LRRC40: variants seen among roughly 807,000 people sequenced by gnomAD.
The protein encoded by LRRC40 is leucine-rich repeat-containing protein 40.
LRRC40 carries 76 observed loss-of-function variants against 72.8 expected under a neutral mutation model. That is an observed-to-expected ratio of 1.04 (90% confidence interval 0.87 to 1.26). LRRC40 has a LOEUF of 1.26. Ranked by LOEUF, LRRC40 falls within the 50% of genes most tolerant of loss-of-function variation. The pLI, the probability that LRRC40 is intolerant of heterozygous loss-of-function variation, is 0.00. For missense variants in LRRC40, 684 were observed against 698.9 expected (o/e 0.98, Z 0.24); for synonymous variants, 243 against 254.2 (o/e 0.96, Z 0.42).
intron 1 of LRRC40, among the ~76,000 whole-genome samples, chr1:70,197,880 G>A (rs1162672174): frequency 6.6e-6 from 1 of 151,842 alleles, no homozygotes; most frequent in Non-Finnish European, 1.5e-5. Flanking sequence ...AGGAGTTTGA[G>A]ACCAGCCTGA....
At chr1:70,204,895 T>G (rs988500172) in intron 1 of LRRC40, among the ~76,000 whole-genome samples, 1 of 152,120 alleles carries the variant, frequency 6.6e-6, no homozygotes, top group South Asian at 2.1e-4. Context: ...ACTTAGAAAA[T>G]ATACTCATTA....
intron 2 of LRRC40, among the ~76,000 whole-genome samples, chr1:70,188,240 T>C (rs376084200): frequency 6.6e-6 from 1 of 152,158 alleles, no homozygotes; most frequent in Non-Finnish European, 1.5e-5. Flanking sequence ...AAGTAAAGTA[T>C]ACCAGATTGT....
intron 4 of LRRC40, among the ~76,000 whole-genome samples, chr1:70,181,957 C>T (rs924483632): frequency 6.6e-6 from 1 of 151,922 alleles, no homozygotes; most frequent in East Asian, 1.9e-4. Flanking sequence ...CACTACATAA[C>T]AGCAAAGTGT....
Position 70,197,781 on chromosome 1 carries a change from G to C in LRRC40, c.151+7609C>G, listed in dbSNP as rs573223116. On this transcript the variant is annotated intron_variant, in intron 1 of 14. Coordinates refer to ENST00000370952, the MANE Select transcript of LRRC40 (RefSeq NM_017768.5). ...ACATGCTTAAAATGGTGTTTGCACA[G>C]AAGGATAAAAGAATGTGGCTGGGTG... is the stretch of plus-strand genomic sequence containing the variant. 8.5e-5 allele frequency among the ~76,000 whole-genome samples: 13 copies of C among 152,112 alleles called. No homozygotes were observed. In the South Asian group the frequency reaches 1.7e-3, roughly 19 times the overall value.
chr1:70,158,099 CAAAAAA>C (rs35925333), intron 10 of LRRC40, among the ~76,000 whole-genome samples: 7 of 19,194 alleles, frequency 3.6e-4, no homozygotes, highest in Non-Finnish European at 6.7e-4. Context: ...GACCCTGCCT[CAAAAAA>C]AAAAAAAAAA....
At chr1:70,193,608 T>A (rs1348448081) in intron 1 of LRRC40, among the ~76,000 whole-genome samples, 2 of 152,036 alleles carry the variant, frequency 1.3e-5, no homozygotes, top group Non-Finnish European at 2.9e-5. Context: ...ATTCATCTTA[T>A]AAGGCCAGTC....
Position 70,195,370 on chromosome 1 carries a change from T to TAA in LRRC40, c.152-6099_152-6098dup, listed in dbSNP as rs201701081. On this transcript the variant is annotated intron_variant, in intron 1 of 14. Coordinates refer to ENST00000370952, the MANE Select transcript of LRRC40 (RefSeq NM_017768.5). Reference sequence around the variant, plus strand: ...CGTTACCCAAGAATAAAAACCCATTTAAAAAAAAAAAAAGACAAAAGTTGG... The same window carrying TAA: ...CGTTACCCAAGAATAAAAACCCATTTAAAAAAAAAAAAAAAGACAAAAGTTGG... 2.3e-4 allele frequency among the ~76,000 whole-genome samples: 32 copies of TAA among 141,746 alleles called. 1 individual carries two copies. The South Asian group carries it at 6.3e-3, about 28-fold the overall frequency. 93.0% of individuals were successfully genotyped at this position (141,746 alleles called of 152,430 possible). A position where few individuals can be genotyped will look rare whatever the true frequency, so the allele number is the denominator to read the frequency against.
chr1:70,169,591 G>C (rs942207882), intron 9 of LRRC40, among the ~76,000 whole-genome samples: 1 of 152,024 alleles, frequency 6.6e-6, no homozygotes, highest in African/African-American at 2.4e-5. Flanking sequence ...CACATTACTA[G>C]AATCAGAAAT....
At chr1:70,173,353 G>A in intron 9 of LRRC40, 112 bp downstream of exon 9, 1 of 716,600 alleles carries the variant, frequency 1.4e-6, no homozygotes, top group Non-Finnish European at 2.4e-6. Context: ...ACACATGCCA[G>A]GATCTATTAC....
At chr1:70,179,651 T>C (rs576738805) in intron 5 of LRRC40, among the ~76,000 whole-genome samples, 1 of 152,308 alleles carries the variant, frequency 6.6e-6, no homozygotes, top group Non-Finnish European at 1.5e-5. Context: ...CTCAAATGTA[T>C]TTTTAAGTTG....
At chr1:70,158,863 C>T (rs945510802) in intron 10 of LRRC40, among the ~76,000 whole-genome samples, 17 of 152,180 alleles carry the variant, frequency 1.1e-4, no homozygotes, top group African/African-American at 4.1e-4. Context: ...ATTATCAATA[C>T]TGTCATTCTT....
At chr1:70,187,846 A>AGAGAC (rs2100326258) in intron 2 of LRRC40, among the ~76,000 whole-genome samples, 1 of 97,316 alleles carries the variant, frequency 1.0e-5, no homozygotes, top group Admixed American at 9.9e-5. Flanking sequence ...ATGGAAGAGA[A>AGAGAC]GAGAAGAGAA....
intron 11 of LRRC40, 81 bp from the exon 12 acceptor site, chr1:70,152,624 A>C: frequency 1.4e-6 from 1 of 729,930 alleles, no homozygotes; most frequent in East Asian, 2.6e-5. Context: ...CAAAGGGGGA[A>C]ATTCCTATAT....
chr1:70,197,208 C>T (rs1171711180), intron 1 of LRRC40, among the ~76,000 whole-genome samples: 3 of 140,320 alleles, frequency 2.1e-5, no homozygotes, highest in African/African-American at 8.0e-5. Flanking sequence ...TGAGTACAGG[C>T]TTCCACAATG....
intron 1 of LRRC40, among the ~76,000 whole-genome samples, chr1:70,192,430 G>A (rs1668521711): frequency 6.6e-6 from 1 of 152,084 alleles, no homozygotes; most frequent in African/African-American, 2.4e-5. Flanking sequence ...GGTAAAAACA[G>A]AACTACCATT....
chr1:70,156,322 C>A (rs1345710535), intron 10 of LRRC40, among the ~76,000 whole-genome samples: 1 of 151,800 alleles, frequency 6.6e-6, no homozygotes, highest in Non-Finnish European at 1.5e-5. Flanking sequence ...GTAACCTGGA[C>A]CAATTTCTCT....
rs146457620 is a variant in LRRC40, at chr1:70,183,486, G to T, written c.537+1299C>A. Among the ~76,000 whole-genome samples the T allele has an allele frequency of 4.4e-4, 66 of 150,574 alleles. 1 individual carries two copies. In the East Asian group the frequency reaches 8.2e-3, roughly 19 times the overall value. On this transcript the variant is annotated intron_variant, in intron 4 of 14. Transcript: ENST00000370952. ...TCTAATTTTGTTACTTGTTAGTTGT[G>T]TTACTTTTGACAAATTTTCTTTTCT...
At chr1:70,189,712 G>A (rs1668451011) in intron 1 of LRRC40, among the ~76,000 whole-genome samples, 1 of 152,166 alleles carries the variant, frequency 6.6e-6, no homozygotes, top group African/African-American at 2.4e-5. Context: ...TAGTAATAAT[G>A]GCTAACACTT....
chr1:70,148,447 A>T (rs768236541), intron 14 of LRRC40, 40 bp downstream of exon 14: 1 of 1,401,526 alleles, frequency 7.1e-7, no homozygotes, highest in Non-Finnish European at 9.6e-7. Context: ...CAACAAATCA[A>T]TAAAATAAAT....
Sources: allele counts gnomAD v4.1 joint callset (sites outside exome capture counted in the v4.1 genomes callset), GRCh38; gene constraint gnomAD v4.1.1; transcripts MANE v1.5; gene names NCBI Gene and HGNC (gene_info 2026-07-23, HGNC 2026-07-21).